Variants in NUAK2 observed in about 807,000 individuals in gnomAD.
NUAK2 encodes NUAK family SNF1-like kinase 2.
A neutral mutation model predicts 29.8 loss-of-function variants in NUAK2; 20 were observed. The ratio of observed to expected loss-of-function variants is 0.67; its 90% confidence interval spans 0.47 to 0.98. The LOEUF is 0.98. Among genes scored for constraint, NUAK2 ranks in the 50% least tolerant of loss-of-function variants. NUAK2 has a pLI of 0.00. For missense variants in NUAK2, 719 were observed against 834.5 expected (o/e 0.86, Z 1.71); for synonymous variants, 331 against 342.6 (o/e 0.97, Z 0.37).
chr1:205,310,994 C>T (rs889293672), intron 2 of NUAK2, among the ~76,000 whole-genome samples: 2 of 152,190 alleles, frequency 1.3e-5, no homozygotes, highest in Non-Finnish European at 2.9e-5. Flanking sequence ...TGTTGCTATC[C>T]CTCGCTTCTC....
chr1:205,304,475 G>A lies in NUAK2; in HGVS notation c.862C>T (p.Pro288Ser). ...TCCTCCAGGGTGGCCCGGCGGGTGG[G>A]GTTCACCATCAACAGCCACCGGATC... ...GLIRWLLMVN[P>S]TRRATLEDVA... The change falls in exon 7 of 7, where the codon CCC becomes TCC. Residue 288 changes from proline (P) to serine (S), a missense_variant. This residue lies in a region of NUAK2 where 430 missense variants were observed against 465.7 expected (regional missense o/e 0.92). Transcript: ENST00000367157. The surrounding 1 kb of genome is among the most constrained non-coding windows in gnomAD (Gnocchi z 6.5). 1 of 1,522,662 alleles carries A rather than the reference G, an allele frequency of 6.6e-7. No individual in the cohort carries two copies. Among genetic ancestry groups the A allele is most frequent in the Non-Finnish European group, 8.8e-7 (1 of 1,135,880 alleles). 94.3% of individuals were successfully genotyped at this position (1,522,662 alleles called of 1,614,324 possible).
intron 1 of NUAK2, 138 bp downstream of exon 1, chr1:205,321,260 G>GC (rs1179507949): frequency 1.6e-5 from 12 of 733,316 alleles, no homozygotes; most frequent in Non-Finnish European, 2.6e-5. Context: ...CCCCGCAGTA[G>GC]CCCCGCAAGC....
At chr1:205,312,419 G>T (rs1380634840) in intron 1 of NUAK2, among the ~76,000 whole-genome samples, 1 of 152,164 alleles carries the variant, frequency 6.6e-6, no homozygotes, top group Non-Finnish European at 1.5e-5. Flanking sequence ...TTCTGAGTTT[G>T]GTACTTTTTC....
intron 2 of NUAK2, among the ~76,000 whole-genome samples, chr1:205,309,795 A>C (rs942110887): frequency 6.6e-5 from 10 of 152,236 alleles, no homozygotes; most frequent in Non-Finnish European, 1.3e-4. Flanking sequence ...ACTTCCATCC[A>C]GAGGATCCAG....
intron 1 of NUAK2, among the ~76,000 whole-genome samples, chr1:205,319,695 C>T (rs1231041833): frequency 2.0e-5 from 3 of 152,220 alleles, no homozygotes; most frequent in Non-Finnish European, 2.9e-5. Context: ...CCAGGAAGTA[C>T]ATGATTGCCC....
At position 205,303,291 on chromosome 1, in the gene NUAK2, A is replaced by G. The variant is rs1037685796; in HGVS notation, c.*159T>C. On this transcript the variant is annotated 3_prime_UTR_variant, in exon 7 of 7. Coordinates refer to ENST00000367157, the MANE Select transcript of NUAK2 (RefSeq NM_030952.3). Reference sequence around the variant, plus strand: ...AACCCTTGGCGCATTTCATTTGCCTACTTCCCATATCCAGCCCTGCTCAGG... The same window carrying G: ...AACCCTTGGCGCATTTCATTTGCCTGCTTCCCATATCCAGCCCTGCTCAGG... 4 of 544,540 alleles carry G rather than the reference A, an allele frequency of 7.3e-6. No individual in the cohort carries two copies. Among genetic ancestry groups the G allele is most frequent in the Admixed American group, 3.7e-5 (1 of 27,046 alleles). The allele number at this position is 544,540 out of a possible 1,614,324, so 33.7% of individuals were successfully genotyped here. A position where few individuals can be genotyped will look rare whatever the true frequency, so the allele number is the denominator to read the frequency against.
intron 2 of NUAK2, among the ~76,000 whole-genome samples, chr1:205,309,005 C>A (rs567316411): frequency 6.8e-4 from 103 of 151,948 alleles, no homozygotes; most frequent in African/African-American, 2.5e-3. Flanking sequence ...GAAAATGACC[C>A]TGCCCTTTCA....
Position 205,321,456 on chromosome 1 carries a change from G to T in NUAK2, c.173C>A (p.Thr58Asn). The T allele has an allele frequency of 6.2e-7, 1 of 1,614,042 alleles. No homozygotes were observed. Among genetic ancestry groups the T allele is most frequent in the Non-Finnish European group, 8.5e-7 (1 of 1,179,898 alleles). ...CTTCCCGTAGGTGCCTTTGCCCAGG[G>T]TCTCCAGGAACTCGTAGCGGTGCCG... ...NLRHRYEFLE[T>N]LGKGTYGKVK... Residue 58 changes from threonine to asparagine, a missense_variant, in exon 1 of 7, where the codon ACC becomes AAC. By Grantham distance (65) the Thr-to-Asn change is moderately conservative. Coordinates refer to ENST00000367157, the MANE Select transcript of NUAK2 (RefSeq NM_030952.3).
At chr1:205,319,937 ACACACACACACACACC>A (rs1662386160) in intron 1 of NUAK2, among the ~76,000 whole-genome samples, 1 of 151,884 alleles carries the variant, frequency 6.6e-6, no homozygotes, top group South Asian at 2.1e-4. Flanking sequence ...ACACACACAC[ACACACACACACACACC>A]CCCTCACAAC....
intron 2 of NUAK2, among the ~76,000 whole-genome samples, chr1:205,309,585 CA>C (rs1331775682): frequency 1.3e-5 from 2 of 152,198 alleles, no homozygotes; most frequent in Non-Finnish European, 2.9e-5. Flanking sequence ...CTCGGCCTCC[CA>C]AAGTGCTGGG....
chr1:205,303,359 G>C lies in NUAK2; in HGVS notation c.*91C>G. 8 of 1,173,408 alleles carry C rather than the reference G, an allele frequency of 6.8e-6. No individual in the cohort carries two copies. The highest frequency in any genetic ancestry group is 9.5e-6 in the Non-Finnish European group (8 of 838,702). 72.7% of individuals were successfully genotyped at this position (1,173,408 alleles called of 1,614,324 possible). On this transcript the variant is annotated 3_prime_UTR_variant, in exon 7 of 7. Transcript: ENST00000367157. ...CTCAGCCTTCTGAGCTGGGATGCAG[G>C]TCCTGGGAGGTGGGGGAGAAGGCAT... is the stretch of plus-strand genomic sequence containing the variant.
rs1337895430 is a variant in NUAK2, at chr1:205,303,906, C to T, written c.1431G>A (p.Val477=). Residue 477 remains valine, a synonymous_variant, in exon 7 of 7, where the codon GTG becomes GTA. Transcript: ENST00000367157. The part of the protein sequence containing the change: ...ESGELLDAGD[V]FVSGDPKEQK... ...GCTCCTTGGGATCCCCACTCACAAA[C>T]ACGTCGCCTGCGTCCAAGAGCTCCC... 1.9e-6 allele frequency: 3 copies of T among 1,614,082 alleles called. No homozygotes were observed. The South Asian group carries it at 3.3e-5, about 18-fold the overall frequency.
intron 4 of NUAK2, among the ~76,000 whole-genome samples, chr1:205,307,287 C>T (rs1294886528): frequency 6.6e-6 from 1 of 152,140 alleles, no homozygotes; most frequent in Non-Finnish European, 1.5e-5. Context: ...CAGTTGAAGC[C>T]CATAATGAAG....
intron 1 of NUAK2, among the ~76,000 whole-genome samples, chr1:205,312,268 C>A (rs1224188708): frequency 6.6e-6 from 1 of 152,174 alleles, no homozygotes; most frequent in East Asian, 1.9e-4. Flanking sequence ...CTGACCCTCA[C>A]AACAACCTTG....
intron 2 of NUAK2, among the ~76,000 whole-genome samples, chr1:205,310,598 C>T (rs575642153): frequency 2.0e-5 from 3 of 152,222 alleles, no homozygotes; most frequent in Admixed American, 6.5e-5. Flanking sequence ...CACACGCACA[C>T]ACATGCAGAC....
chr1:205,313,627 T>C (rs1662284366), intron 1 of NUAK2, among the ~76,000 whole-genome samples: 1 of 150,244 alleles, frequency 6.7e-6, no homozygotes. Context: ...TCTGTCACTG[T>C]CCCCCTGGGC....
At chr1:205,318,991 A>C (rs1347810882) in intron 1 of NUAK2, among the ~76,000 whole-genome samples, 1 of 151,734 alleles carries the variant, frequency 6.6e-6, no homozygotes, top group Non-Finnish European at 1.5e-5. Context: ...CCCACCAACA[A>C]TCTCAATTCA....
intron 1 of NUAK2, among the ~76,000 whole-genome samples, chr1:205,320,849 A>G (rs1172359939): frequency 1.3e-5 from 2 of 152,144 alleles, no homozygotes; most frequent in Non-Finnish European, 2.9e-5. Context: ...CATCATAATG[A>G]AATTTCAACT....
At chr1:205,312,053 C>T (rs887583959) in intron 1 of NUAK2, among the ~76,000 whole-genome samples, 5 of 152,146 alleles carry the variant, frequency 3.3e-5, no homozygotes, top group Non-Finnish European at 7.3e-5. Context: ...GAAGGAATAT[C>T]GACAAGTCAC....
Sources: gnomAD v4.1 joint callset for allele counts (sites outside exome capture counted in the v4.1 genomes callset) on GRCh38, gnomAD v4.1.1 for gene constraint, gnomAD v4.1.1 regional missense constraint, Gnocchi (gnomAD v3.1) non-coding constraint, MANE v1.5 for transcripts, NCBI Gene and HGNC (gene_info 2026-07-23, HGNC 2026-07-21) for gene names.